Variants in INPP5J observed in about 807,000 individuals in gnomAD.
The protein encoded by INPP5J is phosphatidylinositol 4,5-bisphosphate 5-phosphatase A.
In INPP5J, 75 loss-of-function variants were observed where a neutral mutation model predicts 86.6. The observed-to-expected ratio is 0.87, with a 90% CI of 0.72 to 1.05. The LOEUF (loss-of-function observed/expected upper bound fraction) is 1.05. Ranked by LOEUF, INPP5J falls within the 50% of genes least tolerant of loss-of-function variation. The pLI is 0.00. For synonymous variants in INPP5J, 540 were observed against 550.0 expected (o/e 0.98, Z 0.25); for missense variants, 1,229 against 1,341.2 (o/e 0.92, Z 1.31).
At position 31,125,407 on chromosome 22, in the gene INPP5J, C is replaced by A; in HGVS notation, c.668C>A (p.Thr223Lys). ...TQEQALAPAS[T>K]ASGAASVGQT... ...GAACAGGCCCTGGCTCCAGCATCCA[C>A]GGCATCAGGCGCAGCCTCTGTGGGA... Residue 223 changes from threonine (T) to lysine (K), a missense_variant, in exon 2 of 13, where the codon ACG becomes AAG. By Grantham distance (78) the Thr-to-Lys change is moderately conservative (BLOSUM62 -1). Transcript: ENST00000331075. The A allele has an allele frequency of 1.9e-6, 3 of 1,550,614 alleles. No individual in the cohort carries two copies. The highest frequency in any genetic ancestry group is 2.6e-6 in the Non-Finnish European group (3 of 1,146,974).
At chr22:31,123,147 C>A in intron 1 of INPP5J, 28 bp downstream of exon 1, 1 of 1,381,294 alleles carries the variant, frequency 7.2e-7, no homozygotes, top group South Asian at 1.4e-5. Context: ...CAGTGCCCCC[C>A]GCTTTCCTGA....
At position 31,129,563 on chromosome 22, in the gene INPP5J, T is replaced by TTA. The variant is rs1555981489; in HGVS notation, c.2193+909_2193+910insTA. Among the ~76,000 whole-genome samples the TTA allele has an allele frequency of 3.9e-3, 522 of 134,406 alleles. 6 individuals are homozygous for TTA. The highest frequency in any genetic ancestry group is 0.014 in the African/African-American group (510 of 35,256). The allele number at this position is 134,406 out of a possible 152,430, so 88.2% of individuals were successfully genotyped here. Reference sequence around the variant, plus strand: ...CGCCCTTTTTTTTTTTTTTTTTTTTTAATGCAGTCTCACTCTGTTGCCCAG... The same window carrying TTA: ...CGCCCTTTTTTTTTTTTTTTTTTTTTTAAATGCAGTCTCACTCTGTTGCCCAG... On this transcript the variant is annotated intron_variant, in intron 9 of 12. Coordinates refer to ENST00000331075, the MANE Select transcript of INPP5J (RefSeq NM_001284285.2).
In INPP5J at chr22:31,126,412, G is replaced by C. The variant is rs758356490; in HGVS notation, c.1308G>C (p.Met436Ile). 59 of 1,613,652 alleles carry C rather than the reference G, an allele frequency of 3.7e-5. No homozygotes were observed. Among genetic ancestry groups the C allele is most frequent in the Admixed American group, 1.7e-4 (10 of 59,980 alleles). ...TVVTWNVGTA[M>I]PPDDVTSLLH... The stretch of plus-strand genomic sequence containing the variant: ...TCACATGGAACGTGGGCACTGCCAT[G>C]CCCCCAGACGATGTCACATCCCTCC... Residue 436 changes from methionine to isoleucine, a missense_variant, in exon 3 of 13, where the codon ATG becomes ATC. Physicochemically the swap from Met to Ile is conservative, Grantham distance 10. Transcript: ENST00000331075.
chr22:31,133,857 G>A, intron 12 of INPP5J, 56 bp from the exon 13 acceptor site: 1 of 1,599,264 alleles, frequency 6.3e-7, no homozygotes, highest in Non-Finnish European at 8.5e-7. Flanking sequence ...CGGGAGGTCA[G>A]GCCTCAGTGG....
At chr22:31,122,856 G>T (rs530433254), upstream of INPP5J, 9 of 515,150 alleles carry the variant, frequency 1.7e-5, no homozygotes, top group East Asian at 3.5e-5. Context: ...GGATTCCCAG[G>T]GGGTAGCCAC....
intron 1 of INPP5J, among the ~76,000 whole-genome samples, chr22:31,124,500 G>T (rs1050958827): frequency 3.9e-5 from 6 of 152,196 alleles, no homozygotes; most frequent in Non-Finnish European, 7.3e-5. Flanking sequence ...TGGGAGGGTT[G>T]CCCAGGGAAG....
intron 1 of INPP5J, 137 bp downstream of exon 1, chr22:31,123,256 G>A: frequency 1.8e-6 from 1 of 555,722 alleles, no homozygotes; most frequent in Non-Finnish European, 3.0e-6. Context: ...CAGGGGCTAG[G>A]TGAAGAGAGC....
At chr22:31,127,897 C>A in intron 6 of INPP5J, 54 bp from the exon 7 acceptor site, 1 of 1,034,312 alleles carries the variant, frequency 9.7e-7, no homozygotes, top group Non-Finnish European at 1.5e-6. Context: ...CTCCATGGAC[C>A]TGTTGACACC....
intron 1 of INPP5J, chr22:31,124,290 A>C: frequency 4.1e-6 from 4 of 987,554 alleles, no homozygotes; most frequent in Non-Finnish European, 4.8e-6. Context: ...GGCTGTAACC[A>C]AGGGATTTGG....
chr22:31,132,961 G>A (rs1031629807), intron 9 of INPP5J, 137 bp from the exon 10 acceptor site: 3 of 1,171,956 alleles, frequency 2.6e-6, no homozygotes, highest in Non-Finnish European at 3.6e-6. Flanking sequence ...TACTAGACCT[G>A]TTCTGCCTCA....
intron 9 of INPP5J, among the ~76,000 whole-genome samples, chr22:31,128,927 CTTTTTTTTTTT>C (rs56761879): frequency 1.3e-5 from 1 of 80,000 alleles, no homozygotes; most frequent in East Asian, 3.7e-4. Flanking sequence ...CATGCCTTTT[CTTTTTTTTTTT>C]TTTTTTTTTT....
In INPP5J at chr22:31,133,927, C is replaced by A. The variant is rs756410210; in HGVS notation, c.2529C>A (p.Ser843=). Residue 843 remains serine, a synonymous_variant, in exon 13 of 13, where the codon TCC becomes TCA. Coordinates refer to ENST00000331075, the MANE Select transcript of INPP5J (RefSeq NM_001284285.2). Reference sequence around the variant, plus strand: ...ATTTCCCCCAGATCTCGCTGCCTTCCTCGGAGTTGGCCAGCAGCAGCACAG... The same window carrying A: ...ATTTCCCCCAGATCTCGCTGCCTTCATCGGAGTTGGCCAGCAGCAGCACAG... ...ITEPFQISLP[S]SELASSSTDS... 7 of 1,611,290 alleles carry A rather than the reference C, an allele frequency of 4.3e-6. No individual in the cohort carries two copies. The South Asian group carries it at 7.7e-5, about 18-fold the overall frequency.
chr22:31,127,457 G>A lies in INPP5J; in HGVS notation c.1712G>A (p.Arg571His), dbSNP rs757953041. Residue 571 changes from arginine (R) to histidine (H), a missense_variant, in exon 6 of 13, where the codon CGC becomes CAC. Arg to His is a conservative substitution (Grantham distance 29). Coordinates refer to ENST00000331075, the MANE Select transcript of INPP5J (RefSeq NM_001284285.2). Reference sequence around the variant, plus strand: ...GCGCATATGGACAAGGCGGAGCAGCGCAAAGACAACTTCCAGACCATCCTC... The same window carrying A: ...GCGCATATGGACAAGGCGGAGCAGCACAAAGACAACTTCCAGACCATCCTC... ...LPAHMDKAEQ[R>H]KDNFQTILSL... is the part of the protein sequence containing the mutation. The A allele has an allele frequency of 1.7e-5, 27 of 1,613,790 alleles. No homozygotes were observed. The highest frequency in any genetic ancestry group is 2.1e-5 in the Non-Finnish European group (25 of 1,179,822).
At chr22:31,130,916 G>A (rs751170637) in intron 9 of INPP5J, among the ~76,000 whole-genome samples, 19 of 152,120 alleles carry the variant, frequency 1.2e-4, no homozygotes, top group Non-Finnish European at 2.6e-4. Context: ...TCCTCATGGG[G>A]TAGGCACATG....
In INPP5J at chr22:31,133,469, G is replaced by A. The variant is rs1429889228; in HGVS notation, c.2395G>A (p.Gly799Arg). Residue 799 changes from glycine to arginine, a missense_variant, in exon 11 of 13, where the codon GGG becomes AGG. Transcript: ENST00000331075. ...YVWAKHEDVD[G>R]NTYQVTFSEE... is the part of the protein sequence containing the mutation. The stretch of plus-strand genomic sequence containing the variant: ...CTGGGCCAAACATGAAGATGTGGAT[G>A]GGAATACCTACCAGGTACTTAAAAG... 5 of 1,613,638 alleles carry A rather than the reference G, an allele frequency of 3.1e-6. No individual in the cohort carries two copies. Among genetic ancestry groups the A allele is most frequent in the African/African-American group, 1.3e-5 (1 of 74,902 alleles).
chr22:31,125,834 C>G lies in INPP5J; in HGVS notation c.1095C>G (p.Ala365=). 6.2e-7 allele frequency: 1 copy of G among 1,607,606 alleles called. No individual in the cohort carries two copies. The highest frequency in any genetic ancestry group is 8.5e-7 in the Non-Finnish European group (1 of 1,176,772). ...ATCGCTCTCCCTGTGTTCCCCCAGC[C>G]CCTGACATGGCCCTCCCAAGGCTTG... ...SPNRSPCVPP[A]PDMALPRLGT... The change falls in exon 2 of 13, where the codon GCC becomes GCG. Residue 365 remains alanine (A), a synonymous_variant. Transcript: ENST00000331075.
intron 7 of INPP5J, 25 bp from the exon 8 acceptor site, chr22:31,128,189 A>T (rs116725070): frequency 1.3e-6 from 2 of 1,547,444 alleles, no homozygotes; most frequent in South Asian, 2.3e-5. Flanking sequence ...CTGTTGTCCA[A>T]TCTGCTCTCC....
At position 31,126,921 on chromosome 22, in the gene INPP5J, G is replaced by T. The variant is rs1272160339; in HGVS notation, c.1495G>T (p.Val499Leu). 1 of 1,605,710 alleles carries T rather than the reference G, an allele frequency of 6.2e-7. No individual in the cohort carries two copies. Among genetic ancestry groups the T allele is most frequent in the African/African-American group, 1.3e-5 (1 of 74,854 alleles). The change falls in exon 5 of 13, where the codon GTG (valine) becomes TTG (leucine). Residue 499 changes from valine (V) to leucine (L), a missense_variant and splice_region_variant. Physicochemically the swap from Val to Leu is conservative, Grantham distance 32. Transcript: ENST00000331075. ...CCAGCCACGTGGCCTCCCGCTGCAG[G>T]TGAGTTCGGTGAGGATGCAGGGTGT... ...DALGPFNFVL[V>L]SSVRMQGVIL...
intron 2 of INPP5J, 62 bp from the exon 3 acceptor site, chr22:31,126,314 A>G: frequency 7.3e-7 from 1 of 1,372,004 alleles, no homozygotes; most frequent in East Asian, 2.3e-5. Flanking sequence ...AGTCCTGTGA[A>G]AGGAAGCTTG....
Sources: allele counts gnomAD v4.1 joint callset (sites outside exome capture counted in the v4.1 genomes callset), GRCh38; gene constraint gnomAD v4.1.1; transcripts MANE v1.5; gene names NCBI Gene and HGNC (gene_info 2026-07-23, HGNC 2026-07-21).